GPLD1: variants seen among roughly 807,000 people sequenced by gnomAD.
The protein encoded by GPLD1 is phosphatidylinositol-glycan-specific phospholipase D.
GPLD1 carries 84 observed loss-of-function variants against 112.6 expected under a neutral mutation model. That is an observed-to-expected ratio of 0.75 (90% CI 0.63 to 0.89). GPLD1 has a LOEUF of 0.89. Among genes scored for constraint, GPLD1 ranks in the 40% least tolerant of loss-of-function variants. The pLI is 0.00. For missense variants in GPLD1, 1,044 were observed against 1,051.5 expected, an observed-to-expected ratio of 0.99 and a Z score of 0.10; for synonymous variants, 386 against 403.8, an observed-to-expected ratio of 0.96 and a Z score of 0.53.
At chr6:24,434,871 T>C (rs1426867507) in intron 22 of GPLD1, among the ~76,000 whole-genome samples, 2 of 150,358 alleles carry the variant, frequency 1.3e-5, no homozygotes, top group Non-Finnish European at 2.9e-5. Context: ...GGTCTCCCTA[T>C]GTTGCCCAAG....
chr6:24,447,860 T>TC lies in GPLD1; in HGVS notation c.1678+16dup, dbSNP rs764757470. The TC allele has an allele frequency of 1.9e-6, 3 of 1,612,644 alleles. No homozygotes were observed. The highest frequency in any genetic ancestry group is 4.5e-5 in the East Asian group (2 of 44,872). On this transcript the variant is annotated intron_variant, in intron 17 of 24. Coordinates refer to ENST00000230036, the MANE Select transcript of GPLD1 (RefSeq NM_001503.4). ...ACAGAGCAGCCATGGTCTCACCCAT[T>TC]CCCCCTCAGGCACTACCTTTGTCGC...
In GPLD1 at chr6:24,445,834, A is replaced by G. The variant is rs1196779801; in HGVS notation, c.1821-3T>C. The G allele has an allele frequency of 6.2e-7, 1 of 1,600,998 alleles. No individual in the cohort carries two copies. ...GGATGTGTAACAAATGGCCCAGCCT[A>G]GAATGAAGCACACTGGGCTTAGCTG... On this transcript the variant is annotated splice_polypyrimidine_tract_variant and splice_region_variant and intron_variant, in intron 18 of 24. Transcript: ENST00000230036.
At position 24,465,984 on chromosome 6, in the gene GPLD1, A is replaced by G. The variant is rs145012514; in HGVS notation, c.821+696T>C. 5.2e-4 allele frequency among the ~76,000 whole-genome samples: 79 copies of G among 152,306 alleles called. No homozygotes were observed. The East Asian group carries it at 5.6e-3, about 11-fold the overall frequency. Reference sequence around the variant, plus strand: ...GGTGGAGAGGTGTGTCACCACAGCAAGAACACAGCCACTCTGGGACCTGTG... The same window carrying G: ...GGTGGAGAGGTGTGTCACCACAGCAGGAACACAGCCACTCTGGGACCTGTG... On this transcript the variant is annotated intron_variant, in intron 10 of 24. Transcript: ENST00000230036.
intron 7 of GPLD1, among the ~76,000 whole-genome samples, chr6:24,469,294 C>G (rs1763720037): frequency 1.4e-5 from 2 of 141,034 alleles, no homozygotes; most frequent in South Asian, 2.5e-4. Flanking sequence ...ACCCAAATGA[C>G]TATAAATCAT....
At position 24,426,329 on chromosome 6, in the gene GPLD1, G is replaced by A. The variant is rs1033637500; in HGVS notation, c.*2703C>T. On this transcript the variant is annotated 3_prime_UTR_variant, in exon 25 of 25. Transcript: ENST00000230036. ...GAAAGAAAATTTAATCCATGTATCA[G>A]GATAATATATTAGACTGTCATGCAT... The A allele has an allele frequency of 1.3e-5, 2 of 152,112 alleles. No individual in the cohort carries two copies. Among genetic ancestry groups the A allele is most frequent in the Admixed American group, 6.5e-5 (1 of 15,272 alleles). 9.4% of individuals were successfully genotyped at this position (152,112 alleles called of 1,614,324 possible). A position where few individuals can be genotyped will look rare whatever the true frequency, so the allele number is the denominator to read the frequency against.
intron 14 of GPLD1, among the ~76,000 whole-genome samples, chr6:24,451,844 C>T (rs1443512608): frequency 6.6e-6 from 1 of 152,198 alleles, no homozygotes; most frequent in African/African-American, 2.4e-5. Context: ...GGACACAAAA[C>T]ACGCTAGGGC....
At chr6:24,443,892 T>A (rs1050472943) in intron 20 of GPLD1, among the ~76,000 whole-genome samples, 6 of 152,274 alleles carry the variant, frequency 3.9e-5, no homozygotes, top group South Asian at 2.1e-4. Flanking sequence ...CAGGCTGGTC[T>A]CTAACTCCTG....
chr6:24,486,189 G>A (rs553954669), intron 1 of GPLD1, 59 bp from the exon 2 acceptor site: 4 of 981,474 alleles, frequency 4.1e-6, no homozygotes, highest in African/African-American at 3.3e-5. Flanking sequence ...ACATAACTTA[G>A]GCGAGATGAT....
chr6:24,487,149 CAT>C (rs10550775), intron 1 of GPLD1, among the ~76,000 whole-genome samples: 29,177 of 152,044 alleles, frequency 0.19, 3,090 homozygotes, highest in African/African-American at 0.28. Flanking sequence ...GCATTAATAT[CAT>C]AAAAGTCACA....
chr6:24,444,693 A>G (rs531608152), intron 20 of GPLD1, among the ~76,000 whole-genome samples: 9 of 152,232 alleles, frequency 5.9e-5, no homozygotes, highest in African/African-American at 1.9e-4. Context: ...GCTACAAAAA[A>G]TAAAAAATTA....
chr6:24,464,805 G>A (rs1014609055), intron 10 of GPLD1, among the ~76,000 whole-genome samples: 2 of 152,146 alleles, frequency 1.3e-5, no homozygotes, highest in Non-Finnish European at 2.9e-5. Context: ...TCCCCGATTC[G>A]GGGGCTGCCC....
chr6:24,479,329 C>A (rs1312384870), intron 3 of GPLD1, among the ~76,000 whole-genome samples: 1 of 152,204 alleles, frequency 6.6e-6, no homozygotes, highest in Non-Finnish European at 1.5e-5. Flanking sequence ...AGGTTTACTT[C>A]TCCAAAATAA....
chr6:24,490,309 G>C (rs1482968871), upstream of GPLD1, among the ~76,000 whole-genome samples: 1 of 152,144 alleles, frequency 6.6e-6, no homozygotes, highest in Non-Finnish European at 1.5e-5. Context: ...CTTCATCCAT[G>C]GGAAAAATTA....
rs142688295 is a variant in GPLD1, at chr6:24,472,669, G to A, written c.491-33C>T. ...ATGAGAAAAATATTGACATTTGGTG[G>A]ATTAGTGACAAACATAGCATGCATC... is the stretch of plus-strand genomic sequence containing the variant. On this transcript the variant is annotated intron_variant, in intron 6 of 24. Coordinates refer to ENST00000230036, the MANE Select transcript of GPLD1 (RefSeq NM_001503.4). 458 of 1,246,200 alleles carry A rather than the reference G, an allele frequency of 3.7e-4. No individual in the cohort carries two copies. The African/African-American group carries it at 6.0e-3, about 16-fold the overall frequency. The allele number at this position is 1,246,200 out of a possible 1,614,324, so 77.2% of individuals were successfully genotyped here. A position where few individuals can be genotyped will look rare whatever the true frequency, so the allele number is the denominator to read the frequency against.
intron 14 of GPLD1, among the ~76,000 whole-genome samples, chr6:24,452,467 ACTT>A (rs780256100): frequency 2.0e-5 from 3 of 152,136 alleles, no homozygotes; most frequent in East Asian, 1.9e-4. Context: ...AAATCATTGT[ACTT>A]CTTATTTTTG....
chr6:24,483,846 C>T (rs1314830141), intron 2 of GPLD1, among the ~76,000 whole-genome samples: 1 of 151,716 alleles, frequency 6.6e-6, no homozygotes, highest in African/African-American at 2.4e-5. Context: ...GGGGTTCAAG[C>T]GATTCTCCTG....
chr6:24,433,453 T>G, intron 22 of GPLD1, 64 bp from the exon 23 acceptor site: 1 of 1,127,666 alleles, frequency 8.9e-7, no homozygotes, highest in Non-Finnish European at 1.3e-6. Flanking sequence ...TTAAAATCAA[T>G]TTTAATTATA....
chr6:24,449,811 CCCA>C lies in GPLD1; in HGVS notation c.1421_1423del (p.Val474del), dbSNP rs762293675. Reference sequence around the variant, plus strand: ...TACTTTGTAGGTGAGCTGCTCGGAGCCCACCGAGGGAGCTCCCACGGCCAGGTC... The same window carrying C: ...TACTTTGTAGGTGAGCTGCTCGGAGCCCGAGGGAGCTCCCACGGCCAGGTC... On this transcript the variant is annotated inframe_deletion, in exon 15 of 25. Transcript: ENST00000230036. The C allele has an allele frequency of 6.2e-7, 1 of 1,612,308 alleles. No individual in the cohort carries two copies. Among genetic ancestry groups the C allele is most frequent in the Non-Finnish European group, 8.5e-7 (1 of 1,178,610 alleles).
chr6:24,486,820 A>G (rs991288731), intron 1 of GPLD1, among the ~76,000 whole-genome samples: 31 of 151,434 alleles, frequency 2.0e-4, no homozygotes, highest in African/African-American at 7.0e-4. Flanking sequence ...TCTGTCTCAA[A>G]AAAAAAAAGA....
Sources: allele counts gnomAD v4.1 joint callset (sites outside exome capture counted in the v4.1 genomes callset), GRCh38; gene constraint gnomAD v4.1.1; transcripts MANE v1.5; gene names NCBI Gene and HGNC (gene_info 2026-07-23, HGNC 2026-07-21).